The following DLG2 variants were observed in gnomAD, a reference collection of about 807,000 sequenced individuals.
DLG2 encodes the protein disks large homolog 2.
A neutral mutation model predicts 132.5 loss-of-function variants in DLG2; 45 were observed. The ratio of observed to expected loss-of-function variants is 0.34; its 90% CI spans 0.27 to 0.44. The LOEUF (loss-of-function observed/expected upper bound fraction) is 0.44. Among genes scored for constraint, DLG2 ranks in the 20% least tolerant of loss-of-function variants. The probability of loss-of-function intolerance (pLI) is 1.00; values close to 1 mark genes in which losing one functional copy is unlikely to be tolerated. For missense variants in DLG2, 1,045 were observed against 1,196.9 expected (o/e 0.87, Z 1.87); for synonymous variants, 424 against 419.6 (o/e 1.01, Z -0.13).
intron 18 of DLG2, among the ~76,000 whole-genome samples, chr11:83,641,825 C>T (rs2153482872): frequency 6.6e-6 from 1 of 151,670 alleles, no homozygotes; most frequent in South Asian, 2.1e-4. Context: ...TTGCTAAAGA[C>T]TTACAGATGT....
chr11:85,589,018 G>A (rs181739982), intron 3 of DLG2, among the ~76,000 whole-genome samples: 27 of 152,236 alleles, frequency 1.8e-4, no homozygotes, highest in African/African-American at 4.8e-4. Flanking sequence ...CCTGTGATGC[G>A]ATCCACCTTC....
intron 3 of DLG2, among the ~76,000 whole-genome samples, chr11:85,347,884 G>A (rs948776786): frequency 1.5e-5 from 2 of 134,342 alleles, no homozygotes; most frequent in East Asian, 4.4e-4. Flanking sequence ...GCACATTGCA[G>A]CCTCGACCTC....
chr11:83,790,556 G>T, intron 17 of DLG2: 1 of 1,286,602 alleles, frequency 7.8e-7, no homozygotes, highest in East Asian at 2.3e-5. Flanking sequence ...TCAAATGACA[G>T]AGCATACTTT....
At chr11:83,866,053 G>A (rs893715518) in intron 16 of DLG2, among the ~76,000 whole-genome samples, 17 of 151,852 alleles carry the variant, frequency 1.1e-4, no homozygotes, top group African/African-American at 4.1e-4. Context: ...CCTATTATAG[G>A]TACTCAGAGC....
chr11:83,692,026 G>A (rs1329635791), intron 18 of DLG2: 1 of 152,218 alleles, frequency 6.6e-6, no homozygotes, highest in African/African-American at 2.4e-5. Context: ...TATAGATAAA[G>A]ATGCTGGGAC....
intron 6 of DLG2, among the ~76,000 whole-genome samples, chr11:84,750,203 T>C (rs999685086): frequency 7.2e-5 from 11 of 152,146 alleles, no homozygotes; most frequent in African/African-American, 2.7e-4. Flanking sequence ...GTGCACGATA[T>C]TCAGGCTTGT....
intron 3 of DLG2, among the ~76,000 whole-genome samples, chr11:85,506,723 T>C (rs956330975): frequency 6.6e-6 from 1 of 152,200 alleles, no homozygotes; most frequent in Non-Finnish European, 1.5e-5. Context: ...TCTGTAGATG[T>C]CTATTAGGTC....
At chr11:84,701,502 C>A (rs2059221813) in intron 6 of DLG2, among the ~76,000 whole-genome samples, 1 of 151,590 alleles carries the variant, frequency 6.6e-6, no homozygotes, top group South Asian at 2.1e-4. Flanking sequence ...CCTGTACTCC[C>A]ATTCTCACCC....
intron 3 of DLG2, among the ~76,000 whole-genome samples, chr11:85,355,172 T>G (rs1255556489): frequency 6.6e-6 from 1 of 152,216 alleles, no homozygotes; most frequent in Non-Finnish European, 1.5e-5. Context: ...GATGATCAAT[T>G]GATCAGTTGA....
At chr11:84,592,556 G>A (rs2099545944) in intron 6 of DLG2, among the ~76,000 whole-genome samples, 1 of 151,952 alleles carries the variant, frequency 6.6e-6, no homozygotes, top group African/African-American at 2.4e-5. Flanking sequence ...GAAATTTTTT[G>A]CAATCTATCC....
intron 6 of DLG2, among the ~76,000 whole-genome samples, chr11:84,765,895 C>T (rs993519441): frequency 2.6e-5 from 4 of 151,940 alleles, no homozygotes; most frequent in African/African-American, 9.7e-5. Flanking sequence ...ATCAGCATCA[C>T]CTTTTCTTGA....
At chr11:85,441,854 G>A (rs894592411) in intron 3 of DLG2, among the ~76,000 whole-genome samples, 8 of 151,842 alleles carry the variant, frequency 5.3e-5, no homozygotes, top group Admixed American at 2.6e-4. Context: ...AAGTAATGGC[G>A]AGTGCTATTT....
At chr11:84,355,696 A>G (rs927006646) in intron 7 of DLG2, among the ~76,000 whole-genome samples, 3 of 152,158 alleles carry the variant, frequency 2.0e-5, no homozygotes, top group Non-Finnish European at 4.4e-5. Context: ...GGTAAGATGA[A>G]GAATCAGAAA....
chr11:83,859,855 C>T (rs1316942602), intron 16 of DLG2, among the ~76,000 whole-genome samples: 7 of 152,128 alleles, frequency 4.6e-5, no homozygotes, highest in Non-Finnish European at 1.5e-5. Flanking sequence ...GGTCCCTCTT[C>T]CGTGTGCAGT....
intron 7 of DLG2, among the ~76,000 whole-genome samples, chr11:84,267,686 T>C (rs2097659883): frequency 6.6e-6 from 1 of 152,224 alleles, no homozygotes; most frequent in South Asian, 2.1e-4. Flanking sequence ...CTCTCTTAGT[T>C]CTTTTCAGCC....
intron 14 of DLG2, among the ~76,000 whole-genome samples, chr11:83,933,547 G>A (rs1489528614): frequency 6.6e-6 from 1 of 152,102 alleles, no homozygotes; most frequent in African/African-American, 2.4e-5. Flanking sequence ...CCTGGCCCTT[G>A]GTGATCTCTC....
chr11:84,570,062 C>T (rs184453228), intron 6 of DLG2, among the ~76,000 whole-genome samples: 1 of 152,170 alleles, frequency 6.6e-6, no homozygotes, highest in East Asian at 1.9e-4. Flanking sequence ...TTTCAAATAA[C>T]TAATAACCAA....
intron 12 of DLG2, among the ~76,000 whole-genome samples, chr11:83,968,946 T>C (rs1265710125): frequency 6.6e-6 from 1 of 152,196 alleles, no homozygotes; most frequent in Non-Finnish European, 1.5e-5. Flanking sequence ...TAGTTGATAA[T>C]GGCAGCCCTT....
chr11:85,488,395 A>T (rs2093479486), intron 3 of DLG2, among the ~76,000 whole-genome samples: 1 of 151,940 alleles, frequency 6.6e-6, no homozygotes, highest in Non-Finnish European at 1.5e-5. Context: ...TCTAAAAAAA[A>T]AAAAACAACA....
Sources: gnomAD v4.1 joint callset for allele counts (sites outside exome capture counted in the v4.1 genomes callset) on GRCh38, gnomAD v4.1.1 for gene constraint, MANE v1.5 for transcripts, NCBI Gene and HGNC (gene_info 2026-07-23, HGNC 2026-07-21) for gene names.